The following TCTA variants were observed in gnomAD, a reference collection of about 807,000 sequenced individuals.
The protein encoded by TCTA is T-cell leukemia translocation-altered gene protein.
A neutral mutation model predicts 13.5 loss-of-function variants in TCTA; 13 were observed. The observed-to-expected ratio is 0.96, with a 90% CI of 0.63 to 1.53. The LOEUF is 1.53. Ranked by LOEUF, TCTA falls within the 40% of genes most tolerant of loss-of-function variation. The pLI is 0.00. For synonymous variants in TCTA, 58 were observed against 59.0 expected (o/e 0.98, Z 0.08); for missense variants, 138 against 131.3 (o/e 1.05, Z -0.25).
chr3:49,414,767 C>G (rs2048986498), intron 2 of TCTA, 53 bp from the exon 3 acceptor site: 2 of 1,610,760 alleles, frequency 1.2e-6, no homozygotes, highest in Non-Finnish European at 1.7e-6. Flanking sequence ...ATTTCAGCAA[C>G]TGTTCTGCCC....
intron 2 of TCTA, chr3:49,413,343 A>G (rs1343649500): frequency 3.6e-6 from 2 of 559,972 alleles, no homozygotes; most frequent in East Asian, 3.0e-5. Context: ...TATTGTCATA[A>G]TTTCAGAGAG....
chr3:49,412,468 G>T lies in TCTA; in HGVS notation c.42G>T (p.Pro14=). ...CTGGGCAGGCCTTGCAGGCTCTGCCGGCCACGGTGCTGGGCGCGCTGGGCA... is the reference window on the plus strand; with the variant it reads ...CTGGGCAGGCCTTGCAGGCTCTGCCTGCCACGGTGCTGGGCGCGCTGGGCA... ...SWSGQALQAL[P]ATVLGALGSE... Residue 14 remains proline (P), a synonymous_variant, in exon 1 of 3, where the codon CCG becomes CCT. Transcript: ENST00000273590. 6.2e-7 allele frequency: 1 copy of T among 1,613,376 alleles called. No individual in the cohort carries two copies. The highest frequency in any genetic ancestry group is 2.2e-5 in the East Asian group (1 of 44,876).
At chr3:49,412,757 A>G in intron 1 of TCTA, 117 bp downstream of exon 1, 11 of 1,263,484 alleles carry the variant, frequency 8.7e-6, no homozygotes, top group Non-Finnish European at 1.2e-5. Flanking sequence ...ACATTGGTTC[A>G]CGGCCTTACT....
At chr3:49,414,322 C>T (rs1245509826) in intron 2 of TCTA, among the ~76,000 whole-genome samples, 2 of 150,458 alleles carry the variant, frequency 1.3e-5, no homozygotes, top group Non-Finnish European at 3.0e-5. Context: ...TCACCTGAGG[C>T]CAGGAGTTTG....
rs757470686 is a variant in TCTA at position 49,412,562 on chromosome 3, T to G, written c.136T>G (p.Leu46Val). Residue 46 changes from leucine to valine, a missense_variant, in exon 1 of 3, where the codon TTG becomes GTG. Transcript: ENST00000273590. ...CCTCTTCAAGCTGCTGCTGCTGTGGTTGGTGTTAAGTCTCCTGGGCATCCA... is the reference window on the plus strand; with the variant it reads ...CCTCTTCAAGCTGCTGCTGCTGTGGGTGGTGTTAAGTCTCCTGGGCATCCA... The part of the protein sequence containing the change: ...VTLFKLLLLW[L>V]VLSLLGIQLA... 2.5e-6 allele frequency: 4 copies of G among 1,614,106 alleles called. No homozygotes were observed. In the Admixed American group the frequency reaches 6.7e-5, roughly 27 times the overall value.
chr3:49,415,097 T>C lies in TCTA; in HGVS notation c.*235T>C, dbSNP rs765090106. On this transcript the variant is annotated 3_prime_UTR_variant, in exon 3 of 3. Coordinates refer to ENST00000273590, the MANE Select transcript of TCTA (RefSeq NM_022171.3). ...TATCTGGGTGCCTTAAGGAGAGAGA[T>C]TGTGTTCTTCCTCTCTCAGGGGTGA... 3.5e-4 allele frequency: 180 copies of C among 518,476 alleles called. No individual in the cohort carries two copies. The highest frequency in any genetic ancestry group is 1.8e-3 in the African/African-American group (93 of 51,826). The allele number at this position is 518,476 out of a possible 1,614,324, so 32.1% of individuals were successfully genotyped here.
rs2049000394 is a variant in TCTA, at chr3:49,416,436, A to C, written c.*1574A>C. The C allele has an allele frequency of 3.5e-6, 1 of 288,952 alleles. No homozygotes were observed. The highest frequency in any genetic ancestry group is 6.8e-6 in the Non-Finnish European group (1 of 146,148). 17.9% of individuals were successfully genotyped at this position (288,952 alleles called of 1,614,324 possible). ...GAGTCAGGATCTCACATTTCACCCC[A>C]GGCTCAACTGAGGATGTGGCTTATT... On this transcript the variant is annotated 3_prime_UTR_variant, in exon 3 of 3. Transcript: ENST00000273590.
Position 49,412,604 on chromosome 3 carries a change from T to C in TCTA, c.178T>C (p.Tyr60His). The change falls in exon 1 of 3, where the codon TAC becomes CAC. Residue 60 changes from tyrosine (Y) to histidine (H), a missense_variant. Coordinates refer to ENST00000273590, the MANE Select transcript of TCTA (RefSeq NM_022171.3). Reference sequence around the variant, plus strand: ...GGGCATCCAGCTGGCGTGGGGGTTCTACGGGAATACAGTGACCGGGTTGTA... The same window carrying C: ...GGGCATCCAGCTGGCGTGGGGGTTCCACGGGAATACAGTGACCGGGTTGTA... ...LLGIQLAWGFYGNTVTGLYHR... is the reference protein window; with the variant it reads ...LLGIQLAWGFHGNTVTGLYHR... The C allele has an allele frequency of 1.9e-6, 3 of 1,614,238 alleles. No homozygotes were observed. Among genetic ancestry groups the C allele is most frequent in the Middle Eastern group, 1.7e-4 (1 of 6,060 alleles).
intron 1 of TCTA, 72 bp from the exon 2 acceptor site, chr3:49,412,984 C>G (rs751298968): frequency 2.9e-5 from 45 of 1,531,926 alleles, no homozygotes; most frequent in Non-Finnish European, 4.0e-5. Context: ...GGTCTCTAAC[C>G]TGACCTGGGC....
At chr3:49,413,156 G>A in intron 2 of TCTA, 46 bp downstream of exon 2, 1 of 1,606,954 alleles carries the variant, frequency 6.2e-7, no homozygotes, top group Non-Finnish European at 8.5e-7. Context: ...GGCATTCCAA[G>A]GACACTCCTG....
intron 1 of TCTA, 153 bp downstream of exon 1, chr3:49,412,793 G>C: frequency 1.1e-6 from 1 of 948,776 alleles, no homozygotes. Flanking sequence ...GACCTCGGAA[G>C]CTAAGCCAGG....
intron 1 of TCTA, 162 bp downstream of exon 1, chr3:49,412,802 G>T: frequency 1.1e-6 from 1 of 909,624 alleles, no homozygotes; most frequent in South Asian, 1.7e-5. Flanking sequence ...AGCTAAGCCA[G>T]GTACTTGGAT....
chr3:49,412,516 G>C lies in TCTA; in HGVS notation c.90G>C (p.Glu30Asp). The C allele has an allele frequency of 6.2e-7, 1 of 1,614,246 alleles. No individual in the cohort carries two copies. The highest frequency in any genetic ancestry group is 1.3e-5 in the African/African-American group (1 of 75,086). The change falls in exon 1 of 3, where the codon GAG (glutamate) becomes GAC (aspartate). Residue 30 changes from glutamate (E) to aspartate (D), a missense_variant. By Grantham distance (45) the Glu-to-Asp change is conservative. Transcript: ENST00000273590. ...ALGSEFLREW[E>D]AQDMRVTLFK... ...GCAGCGAGTTCTTGCGGGAGTGGGAGGCGCAGGACATGCGCGTGACCCTCT... is the reference window on the plus strand; with the variant it reads ...GCAGCGAGTTCTTGCGGGAGTGGGACGCGCAGGACATGCGCGTGACCCTCT...
At chr3:49,413,169 C>T in intron 2 of TCTA, 59 bp downstream of exon 2, 1 of 1,593,756 alleles carries the variant, frequency 6.3e-7, no homozygotes, top group Non-Finnish European at 8.6e-7. Flanking sequence ...CACTCCTGTG[C>T]TGGTGACAGA....
intron 2 of TCTA, 40 bp from the exon 3 acceptor site, chr3:49,414,780 G>A (rs935008899): frequency 6.2e-7 from 1 of 1,613,156 alleles, no homozygotes; most frequent in Non-Finnish European, 8.5e-7. Context: ...TTCTGCCCAT[G>A]GAATAACCAC....
intron 2 of TCTA, chr3:49,413,528 GGGCCACACGA>G: frequency 6.2e-6 from 1 of 160,390 alleles, no homozygotes; most frequent in Non-Finnish European, 1.4e-5. Context: ...CACGTGATAG[GGGCCACACGA>G]GGCCCAGAGA....
At position 49,416,111 on chromosome 3, in the gene TCTA, C is replaced by G. The variant is rs878962160; in HGVS notation, c.*1249C>G. The G allele has an allele frequency of 6.5e-6, 1 of 153,044 alleles. No individual in the cohort carries two copies. The highest frequency in any genetic ancestry group is 1.9e-4 in the East Asian group (1 of 5,210). The allele number at this position is 153,044 out of a possible 1,614,324, so 9.5% of individuals were successfully genotyped here. On this transcript the variant is annotated 3_prime_UTR_variant, in exon 3 of 3. Transcript: ENST00000273590. ...AGAACCAGGCAGCCCTGCCATGTCA[C>G]AATAGGCCAGGGGAGTTTCCAAAGA... is the stretch of plus-strand genomic sequence containing the variant.
Position 49,416,309 on chromosome 3 carries a change from T to C in TCTA, c.*1447T>C. Reference sequence around the variant, plus strand: ...GATATCATACTTCCATCTGGCTGCCTTTGCTTAAGCCATCTTTGTGGTAGA... The same window carrying C: ...GATATCATACTTCCATCTGGCTGCCCTTGCTTAAGCCATCTTTGTGGTAGA... On this transcript the variant is annotated 3_prime_UTR_variant, in exon 3 of 3. Transcript: ENST00000273590. The C allele has an allele frequency of 5.9e-6, 1 of 169,130 alleles. No homozygotes were observed. The highest frequency in any genetic ancestry group is 1.3e-5 in the Non-Finnish European group (1 of 76,362). The allele number at this position is 169,130 out of a possible 1,614,324, so 10.5% of individuals were successfully genotyped here. A position where few individuals can be genotyped will look rare whatever the true frequency, so the allele number is the denominator to read the frequency against.
Position 49,412,564 on chromosome 3 carries a change from G to C in TCTA, c.138G>C (p.Leu46Phe), listed in dbSNP as rs1271281906. 3.1e-6 allele frequency: 5 copies of C among 1,614,280 alleles called. No individual in the cohort carries two copies. The African/African-American group carries it at 4.0e-5, about 13-fold the overall frequency. Reference sequence around the variant, plus strand: ...TCTTCAAGCTGCTGCTGCTGTGGTTGGTGTTAAGTCTCCTGGGCATCCAGC... The same window carrying C: ...TCTTCAAGCTGCTGCTGCTGTGGTTCGTGTTAAGTCTCCTGGGCATCCAGC... ...VTLFKLLLLW[L>F]VLSLLGIQLA... The change falls in exon 1 of 3, where the codon TTG becomes TTC. Residue 46 changes from leucine (L) to phenylalanine (F), a missense_variant. Coordinates refer to ENST00000273590, the MANE Select transcript of TCTA (RefSeq NM_022171.3).
Sources: gnomAD v4.1 joint callset for allele counts (sites outside exome capture counted in the v4.1 genomes callset) on GRCh38, gnomAD v4.1.1 for gene constraint, MANE v1.5 for transcripts, NCBI Gene and HGNC (gene_info 2026-07-23, HGNC 2026-07-21) for gene names.